The following CNTNAP2 variants were observed in gnomAD, a reference collection of about 807,000 sequenced individuals.
CNTNAP2 encodes the protein contactin associated protein 2, also known as contactin-associated protein-like 2.
In CNTNAP2, 98 loss-of-function variants were observed where a neutral mutation model predicts 155.2. The ratio of observed to expected loss-of-function variants is 0.63; its 90% CI spans 0.54 to 0.75. The LOEUF (loss-of-function observed/expected upper bound fraction) is 0.75, where lower values mean the gene tolerates loss of function less well. Among genes scored for constraint, CNTNAP2 ranks in the 30% least tolerant of loss-of-function variants. The pLI, the probability that CNTNAP2 is intolerant of heterozygous loss-of-function variation, is 0.00. For missense variants in CNTNAP2, 1,727 were observed against 1,688.1 expected (o/e 1.02, Z -0.40); for synonymous variants, 651 against 631.2 (o/e 1.03, Z -0.47).
At chr7:146,901,030 G>GTAATAATAATAA (rs66815254) in intron 3 of CNTNAP2, among the ~76,000 whole-genome samples, 1 of 149,572 alleles carries the variant, frequency 6.7e-6, no homozygotes, top group Non-Finnish European at 1.5e-5. Flanking sequence ...GATTAAAGTA[G>GTAATAATAATAA]TAATAATAAT....
chr7:148,205,178 A>G (rs1176064985), intron 18 of CNTNAP2, among the ~76,000 whole-genome samples: 1 of 152,258 alleles, frequency 6.6e-6, no homozygotes, highest in Non-Finnish European at 1.5e-5. Flanking sequence ...GCTCAGGCAG[A>G]TCAGCTGAGC....
At chr7:146,491,477 T>G (rs1797138683) in intron 1 of CNTNAP2, among the ~76,000 whole-genome samples, 1 of 152,112 alleles carries the variant, frequency 6.6e-6, no homozygotes, top group Admixed American at 6.5e-5. Flanking sequence ...CTTTTGCAAC[T>G]CAGATTAGGG....
At position 146,121,099 on chromosome 7, in the gene CNTNAP2, TAAAG is replaced by T. The variant is rs1415912657; in HGVS notation, c.97+4127_97+4130del. Among the ~76,000 whole-genome samples the T allele has an allele frequency of 2.1e-3, 318 of 149,650 alleles. 5 individuals are homozygous for T. The highest frequency in any genetic ancestry group is 3.5e-3 in the Middle Eastern group (1 of 284). ...TAGACAAAAACTTACTCAAATGTCT[TAAAG>T]TTTACATAAAGCTTCCTTTTTTTTT... is the stretch of plus-strand genomic sequence containing the variant. On this transcript the variant is annotated intron_variant, in intron 1 of 23. Transcript: ENST00000361727.
intron 13 of CNTNAP2, among the ~76,000 whole-genome samples, chr7:147,670,235 C>T (rs1006137614): frequency 5.3e-5 from 8 of 151,992 alleles, no homozygotes; most frequent in Non-Finnish European, 1.2e-4. Context: ...GGTCTAAGTC[C>T]TGCATTAATC....
intron 1 of CNTNAP2, among the ~76,000 whole-genome samples, chr7:146,583,442 G>A (rs1798642403): frequency 6.6e-6 from 1 of 152,108 alleles, no homozygotes; most frequent in Non-Finnish European, 1.5e-5. Flanking sequence ...AGTTGAGCAT[G>A]AGAATCTGAA....
At chr7:146,295,908 A>G (rs2129087428) in intron 1 of CNTNAP2, among the ~76,000 whole-genome samples, 1 of 152,028 alleles carries the variant, frequency 6.6e-6, no homozygotes, top group African/African-American at 2.4e-5. Flanking sequence ...AAAAAAAGAA[A>G]AATTTTATTG....
At chr7:146,970,612 G>T (rs1797767055) in intron 3 of CNTNAP2, among the ~76,000 whole-genome samples, 1 of 151,852 alleles carries the variant, frequency 6.6e-6, no homozygotes, top group East Asian at 1.9e-4. Context: ...CACTGTTGGT[G>T]GGACTGTAAA....
intron 1 of CNTNAP2, among the ~76,000 whole-genome samples, chr7:146,255,709 A>G (rs981045947): frequency 3.3e-5 from 5 of 152,190 alleles, no homozygotes; most frequent in African/African-American, 1.2e-4. Flanking sequence ...GAGGTGGTAT[A>G]ATTAGACAGA....
chr7:147,505,443 T>C lies in CNTNAP2; in HGVS notation c.1777+19402T>C, dbSNP rs1798890122. Among the ~76,000 whole-genome samples the C allele has an allele frequency of 2.6e-5, 4 of 152,272 alleles. No homozygotes were observed. The South Asian group carries it at 8.3e-4, about 32-fold the overall frequency. On this transcript the variant is annotated intron_variant, in intron 11 of 23. Transcript: ENST00000361727. ...AGCAGCGACATGCAAAAATCTCTTTTATTATTTTATAGCCACACTATGTAG... is the reference window on the plus strand; with the variant it reads ...AGCAGCGACATGCAAAAATCTCTTTCATTATTTTATAGCCACACTATGTAG...
At chr7:147,095,775 G>A (rs1442430664) in intron 4 of CNTNAP2, among the ~76,000 whole-genome samples, 2 of 151,980 alleles carry the variant, frequency 1.3e-5, no homozygotes, top group African/African-American at 4.8e-5. Context: ...ACTGGATCCT[G>A]GTTTGCTTAG....
chr7:146,554,677 C>G (rs554318565), intron 1 of CNTNAP2, among the ~76,000 whole-genome samples: 64 of 152,326 alleles, frequency 4.2e-4, no homozygotes, highest in Non-Finnish European at 6.9e-4. Context: ...GCAGTGGACA[C>G]AGCTCACAGG....
At chr7:147,113,527 AAGCAAACAC>A (rs1329175069) in intron 5 of CNTNAP2, among the ~76,000 whole-genome samples, 7 of 151,982 alleles carry the variant, frequency 4.6e-5, no homozygotes, top group Non-Finnish European at 1.0e-4. Context: ...GCCGAAAGGG[AAGCAAACAC>A]ATCCTTCTTC....
chr7:147,899,771 G>A (rs1585017687), intron 13 of CNTNAP2, among the ~76,000 whole-genome samples: 1 of 152,132 alleles, frequency 6.6e-6, no homozygotes, highest in East Asian at 1.9e-4. Flanking sequence ...TGTAATCCCA[G>A]CTACTTGGGA....
intron 13 of CNTNAP2, among the ~76,000 whole-genome samples, chr7:147,658,778 C>A (rs1248917445): frequency 3.9e-5 from 6 of 152,194 alleles, no homozygotes; most frequent in African/African-American, 1.4e-4. Context: ...ATCTTGTTTA[C>A]TGTGCTTTCC....
intron 1 of CNTNAP2, among the ~76,000 whole-genome samples, chr7:146,540,503 G>C (rs1490595878): frequency 6.6e-6 from 1 of 152,042 alleles, no homozygotes; most frequent in East Asian, 1.9e-4. Flanking sequence ...TTCTTCAGAA[G>C]ATCCAATAAA....
At chr7:147,028,480 G>A (rs1203696202) in intron 3 of CNTNAP2, among the ~76,000 whole-genome samples, 1 of 152,170 alleles carries the variant, frequency 6.6e-6, no homozygotes, top group East Asian at 1.9e-4. Flanking sequence ...GGCCGAGAGA[G>A]ATGTTAAGGA....
At chr7:146,482,814 A>G (rs1186477446) in intron 1 of CNTNAP2, among the ~76,000 whole-genome samples, 1 of 152,112 alleles carries the variant, frequency 6.6e-6, no homozygotes, top group Non-Finnish European at 1.5e-5. Context: ...ATAGACCTTG[A>G]TTGAATAAAT....
At position 147,094,226 on chromosome 7, in the gene CNTNAP2, C is replaced by T. The variant is rs578188046; in HGVS notation, c.551-13921C>T. Among the ~76,000 whole-genome samples the T allele has an allele frequency of 3.9e-5, 6 of 152,200 alleles. No individual in the cohort carries two copies. In the South Asian group the frequency reaches 1.2e-3, roughly 32 times the overall value. ...TCCTCATTTCTGTCTGAGACCTCATCGGAATGGCCTTTATCACCCAAATTT... is the reference window on the plus strand; with the variant it reads ...TCCTCATTTCTGTCTGAGACCTCATTGGAATGGCCTTTATCACCCAAATTT... On this transcript the variant is annotated intron_variant, in intron 4 of 23. Coordinates refer to ENST00000361727, the MANE Select transcript of CNTNAP2 (RefSeq NM_014141.6).
At chr7:148,257,719 T>C (rs1355294015) in intron 20 of CNTNAP2, among the ~76,000 whole-genome samples, 1 of 152,132 alleles carries the variant, frequency 6.6e-6, no homozygotes, top group Non-Finnish European at 1.5e-5. Context: ...AAGTGTCTCT[T>C]GCATGAAAAT....
Sources: gnomAD v4.1 joint callset for allele counts (sites outside exome capture counted in the v4.1 genomes callset) on GRCh38, gnomAD v4.1.1 for gene constraint, MANE v1.5 for transcripts, NCBI Gene and HGNC (gene_info 2026-07-23, HGNC 2026-07-21) for gene names.